NOP56: variants seen among roughly 807,000 people sequenced by gnomAD.
NOP56 encodes the protein NOP56 ribonucleoprotein.
NOP56 carries 31 observed loss-of-function variants against 58.3 expected under a neutral mutation model. The observed-to-expected ratio is 0.53, with a 90% CI of 0.40 to 0.72. NOP56 has a LOEUF of 0.72. NOP56 is among the 30% of genes least tolerant of loss of function. The pLI, the probability that NOP56 is intolerant of heterozygous loss-of-function variation, is 0.00. For synonymous variants in NOP56, 313 were observed against 282.8 expected (o/e 1.11, Z -1.07); for missense variants, 669 against 739.9 (o/e 0.90, Z 1.11).
At chr20:2,656,292 C>A in intron 8 of NOP56, 109 bp from the exon 9 acceptor site, 1 of 1,603,646 alleles carries the variant, frequency 6.2e-7, no homozygotes, top group Non-Finnish European at 8.5e-7. Flanking sequence ...TCCAATCTGG[C>A]CTGAGGCTCA....
chr20:2,657,876 G>A (rs1203671263), intron 11 of NOP56, 53 bp from the exon 12 acceptor site: 15 of 1,515,844 alleles, frequency 9.9e-6, no homozygotes, highest in Non-Finnish European at 1.3e-5. Flanking sequence ...CTTAATTGCT[G>A]AAGATGTAAT....
chr20:2,657,977 G>T lies in NOP56; in HGVS notation c.1468G>T (p.Val490Phe), dbSNP rs1363246992. Residue 490 changes from valine (V) to phenylalanine (F), a missense_variant, in exon 12 of 12, where the codon GTT (valine) becomes TTT (phenylalanine). Val to Phe is a conservative substitution (Grantham distance 50, BLOSUM62 -1). Coordinates refer to ENST00000329276, the MANE Select transcript of NOP56 (RefSeq NM_006392.4). ...KKKKKQKPQEVPQENGMEDPS... is the reference protein window; with the variant it reads ...KKKKKQKPQEFPQENGMEDPS... Reference sequence around the variant, plus strand: ...GAAGAAAAAGCAAAAGCCCCAGGAGGTTCCTCAGGAGAATGGAATGGAAGA... The same window carrying T: ...GAAGAAAAAGCAAAAGCCCCAGGAGTTTCCTCAGGAGAATGGAATGGAAGA... 2.5e-6 allele frequency: 4 copies of T among 1,607,332 alleles called. No homozygotes were observed. In the East Asian group the frequency reaches 8.9e-5, roughly 36 times the overall value.
At chr20:2,655,882 T>C (rs1284400056) in intron 7 of NOP56, 52 bp from the exon 8 acceptor site, 2 of 1,612,552 alleles carry the variant, frequency 1.2e-6, no homozygotes, top group Non-Finnish European at 1.7e-6. Context: ...GTCGTGCAAC[T>C]GGGCAGGTCA....
chr20:2,657,170 T>TG lies in NOP56; in HGVS notation c.1372dup (p.Ala458GlyfsTer10). ...AGGAAAAGAAACGGCTGGCTGCACT[T>TG]GCCCTCGCGTCTTCAGAAAACAGCA... On this transcript the variant is annotated frameshift_variant, in exon 11 of 12. Transcript: ENST00000329276. LOFTEE classifies it low-confidence loss of function (END_TRUNC). 1.2e-6 allele frequency: 2 copies of TG among 1,614,132 alleles called. No homozygotes were observed. The highest frequency in any genetic ancestry group is 8.5e-7 in the Non-Finnish European group (1 of 1,180,034).
In NOP56 at chr20:2,654,437, C is replaced by T; in HGVS notation, c.232C>T (p.Leu78=). ...SEGVVHEDLR[L]LLETHLPSKK... ...AGGGGTTGTTCATGAGGACCTCCGC[C>T]TGCTCTTGGAGACCCACCTGCCGTC... Residue 78 remains leucine (L), a synonymous_variant, in exon 4 of 12, where the codon CTG becomes TTG. Coordinates refer to ENST00000329276, the MANE Select transcript of NOP56 (RefSeq NM_006392.4). The T allele has an allele frequency of 6.2e-7, 1 of 1,614,170 alleles. No homozygotes were observed. The highest frequency in any genetic ancestry group is 1.1e-5 in the South Asian group (1 of 91,082).
chr20:2,655,327 A>T lies in NOP56; in HGVS notation c.572A>T (p.Glu191Val). Residue 191 changes from glutamate to valine, a missense_variant and splice_region_variant, in exon 6 of 12, where the codon GAG becomes GTG. Around this residue, in one of 3 missense-constraint regions of NOP56, gnomAD observed 339 missense variants for 430.5 expected, o/e 0.79. Transcript: ENST00000329276. ...DINTFSMRVR[E>V]WYGYHFPELV... ...GGAGTGACTGTGGCTCTTTGCAGGG[A>T]GTGGTACGGGTATCACTTTCCGGAG... 1.9e-6 allele frequency: 3 copies of T among 1,614,152 alleles called. No homozygotes were observed. The highest frequency in any genetic ancestry group is 2.5e-6 in the Non-Finnish European group (3 of 1,180,024).
At chr20:2,653,434 C>G (rs2086777446) in intron 3 of NOP56, 41 bp downstream of exon 3, 2 of 1,530,226 alleles carry the variant, frequency 1.3e-6, no homozygotes, top group African/African-American at 2.7e-5. Flanking sequence ...AGATGTGGTT[C>G]CTTTCGGTAT....
Position 2,655,987 on chromosome 20 carries a change from T to C in NOP56, c.963T>C (p.Tyr321=). 1 of 1,614,158 alleles carries C rather than the reference T, an allele frequency of 6.2e-7. No individual in the cohort carries two copies. Among genetic ancestry groups the C allele is most frequent in the Non-Finnish European group, 8.5e-7 (1 of 1,180,026 alleles). The change falls in exon 8 of 12, where the codon TAT becomes TAC. Residue 321 remains tyrosine (Y), a synonymous_variant. Coordinates refer to ENST00000329276, the MANE Select transcript of NOP56 (RefSeq NM_006392.4). ...GCAGCCTCACCAACCTGGCCAAGTATCCAGCATCCACAGTGCAGATCCTTG... is the reference window on the plus strand; with the variant it reads ...GCAGCCTCACCAACCTGGCCAAGTACCCAGCATCCACAGTGCAGATCCTTG... ...HAGSLTNLAK[Y]PASTVQILGA...
chr20:2,657,764 G>T, intron 11 of NOP56, 165 bp from the exon 12 acceptor site: 1 of 725,708 alleles, frequency 1.4e-6, no homozygotes, highest in Non-Finnish European at 2.2e-6. Context: ...CTTCTAATTT[G>T]GGACAGCCTT....
chr20:2,654,599 C>T (rs767765133), intron 4 of NOP56, 24 bp downstream of exon 4: 1 of 1,612,514 alleles, frequency 6.2e-7, no homozygotes, highest in Non-Finnish European at 8.5e-7. Context: ...CTGTTATATT[C>T]CTGTTATCCT....
At chr20:2,652,762 T>TGGGCCC in intron 1 of NOP56, 80 bp from the exon 2 acceptor site, 2 of 1,540,512 alleles carry the variant, frequency 1.3e-6, no homozygotes, top group Admixed American at 1.9e-5. Context: ...GGCCTGCGCC[T>TGGGCCC]GCGCCTGCGC....
rs766107367 is a variant in NOP56, at chr20:2,658,004, C to G, written c.1495C>G (p.Pro499Ala). Residue 499 changes from proline (P) to alanine (A), a missense_variant, in exon 12 of 12, where the codon CCA becomes GCA. Pro to Ala is a conservative substitution (Grantham distance 27). Around this residue, in one of 3 missense-constraint regions of NOP56, gnomAD observed 209 missense variants for 196.2 expected, o/e 1.07. Coordinates refer to ENST00000329276, the MANE Select transcript of NOP56 (RefSeq NM_006392.4). The part of the protein sequence containing the change: ...EVPQENGMED[P>A]SISFSKPKKK... ...TCCTCAGGAGAATGGAATGGAAGAC[C>G]CATCTATCTCTTTCTCCAAACCCAA... The G allele has an allele frequency of 1.4e-5, 23 of 1,611,996 alleles. No homozygotes were observed. Among genetic ancestry groups the G allele is most frequent in the Non-Finnish European group, 2.0e-5 (23 of 1,178,316 alleles).
intron 8 of NOP56, 40 bp downstream of exon 8, chr20:2,656,074 C>T (rs757826338): frequency 1.9e-5 from 31 of 1,613,846 alleles, no homozygotes; most frequent in Non-Finnish European, 5.9e-6. Flanking sequence ...GGTGCCACTT[C>T]TGGTGCCCAC....
chr20:2,655,048 TGGGCTG>T, intron 5 of NOP56, 101 bp downstream of exon 5: 1 of 1,440,658 alleles, frequency 6.9e-7, no homozygotes, highest in Non-Finnish European at 9.7e-7. Context: ...TAGAACCATG[TGGGCTG>T]GGGCTGGGTG....
chr20:2,656,270 T>C lies in NOP56; in HGVS notation c.1011-131T>C, dbSNP rs572416822. ...TCTGGGAGCTATGGGTTGGCATGCA[T>C]TGGGGTAGAGATCCAATCTGGCCTG... On this transcript the variant is annotated intron_variant, in intron 8 of 11. Coordinates refer to ENST00000329276, the MANE Select transcript of NOP56 (RefSeq NM_006392.4). 1.2e-5 allele frequency: 20 copies of C among 1,605,852 alleles called. No homozygotes were observed. The African/African-American group carries it at 2.5e-4, about 20-fold the overall frequency.
intron 11 of NOP56, 186 bp from the exon 12 acceptor site, chr20:2,657,743 G>A: frequency 1.5e-6 from 1 of 647,504 alleles, no homozygotes; most frequent in Non-Finnish European, 2.6e-6. Context: ...AATTTCTCAT[G>A]ACATGTTTTC....
intron 11 of NOP56, 134 bp downstream of exon 11, chr20:2,657,352 A>AACT (rs2086838598): frequency 7.9e-7 from 1 of 1,260,610 alleles, no homozygotes; most frequent in South Asian, 1.2e-5. Flanking sequence ...AAACATCTAA[A>AACT]ACTACCTCTT....
intron 3 of NOP56, chr20:2,653,838 A>G: frequency 3.8e-6 from 1 of 260,744 alleles, no homozygotes; most frequent in South Asian, 4.1e-5. Flanking sequence ...TATTTTTGGT[A>G]GAGACGGGGT....
chr20:2,653,588 A>T (rs1312558415), intron 3 of NOP56, 195 bp downstream of exon 3: 1 of 582,356 alleles, frequency 1.7e-6, no homozygotes, highest in East Asian at 2.9e-5. Context: ...TGCTAGACCA[A>T]ACTGTTTAAG....
Sources: gnomAD v4.1 joint callset for allele counts on GRCh38, gnomAD v4.1.1 for gene constraint, gnomAD v4.1.1 regional missense constraint, MANE v1.5 for transcripts, NCBI Gene and HGNC (gene_info 2026-07-23, HGNC 2026-07-21) for gene names.